Variants in SLC4A4 observed in about 807,000 individuals in gnomAD.
SLC4A4 encodes solute carrier family 4 member 4.
SLC4A4 carries 27 observed loss-of-function variants against 111.5 expected under a neutral mutation model. The ratio of observed to expected loss-of-function variants is 0.24; its 90% confidence interval spans 0.18 to 0.33. The LOEUF is 0.33. Among genes scored for constraint, SLC4A4 ranks in the 10% least tolerant of loss-of-function variants. SLC4A4 has a pLI of 1.00. For synonymous variants in SLC4A4, 443 were observed against 463.4 expected, an observed-to-expected ratio of 0.96 and a Z score of 0.57; for missense variants, 909 against 1,315.5, an observed-to-expected ratio of 0.69 and a Z score of 4.78.
chr4:71,567,127 G>A (rs775149476), intron 25 of SLC4A4, 44 bp downstream of exon 25: 4 of 1,442,038 alleles, frequency 2.8e-6, no homozygotes, highest in Non-Finnish European at 3.9e-6. Context: ...TGGGATAATT[G>A]CCCCACAGAA....
At chr4:71,480,336 T>G (rs1285810512) in intron 14 of SLC4A4, among the ~76,000 whole-genome samples, 1 of 151,462 alleles carries the variant, frequency 6.6e-6, no homozygotes, top group Non-Finnish European at 1.5e-5. Flanking sequence ...TCATTAAGTC[T>G]TGCTGAAAAT....
chr4:71,497,764 GA>G, intron 16 of SLC4A4, 72 bp downstream of exon 16: 11 of 1,275,744 alleles, frequency 8.6e-6, no homozygotes, highest in African/African-American at 1.5e-5. Flanking sequence ...TTTACAAGGT[GA>G]AAAAGGCACC....
At chr4:71,176,785 T>A (rs1745107361) in intron 2 of SLC4A4, among the ~76,000 whole-genome samples, 2 of 152,066 alleles carry the variant, frequency 1.3e-5, no homozygotes, top group African/African-American at 4.8e-5. Context: ...ACTTCCCCAA[T>A]CTAGCAAGGC....
chr4:71,502,405 C>G (rs1336003351), intron 16 of SLC4A4, among the ~76,000 whole-genome samples: 1 of 152,018 alleles, frequency 6.6e-6, no homozygotes, highest in Non-Finnish European at 1.5e-5. Flanking sequence ...TTTCTAGCTC[C>G]TTGACATGCT....
chr4:71,392,599 G>A (rs1192061675), intron 6 of SLC4A4, among the ~76,000 whole-genome samples: 1 of 152,028 alleles, frequency 6.6e-6, no homozygotes, highest in Admixed American at 6.6e-5. Context: ...CGTATTCAAA[G>A]AAGAATTGGT....
At chr4:71,224,298 C>T (rs1251655688) in intron 1 of SLC4A4, among the ~76,000 whole-genome samples, 4 of 152,178 alleles carry the variant, frequency 2.6e-5, no homozygotes, top group South Asian at 2.1e-4. Context: ...TTCCTCCTCC[C>T]GCTCTTGTTC....
At chr4:71,290,713 T>G (rs1724276295) in intron 3 of SLC4A4, among the ~76,000 whole-genome samples, 1 of 152,200 alleles carries the variant, frequency 6.6e-6, no homozygotes, top group Non-Finnish European at 1.5e-5. Context: ...GAGGTTAGAT[T>G]TCTCATATTA....
intron 20 of SLC4A4, among the ~76,000 whole-genome samples, chr4:71,551,523 A>G (rs1242206509): frequency 4.0e-5 from 6 of 151,872 alleles, no homozygotes; most frequent in Non-Finnish European, 7.4e-5. Flanking sequence ...CCTACAAAAA[A>G]TTGTCTCTCT....
intron 16 of SLC4A4, 86 bp downstream of exon 16, chr4:71,497,778 T>A: frequency 9.5e-7 from 1 of 1,054,384 alleles, no homozygotes; most frequent in Non-Finnish European, 1.5e-6. Context: ...AAGGCACCTG[T>A]AATTCAATGT....
At chr4:71,406,382 T>TTG (rs1246303909) in intron 7 of SLC4A4, among the ~76,000 whole-genome samples, 1 of 152,074 alleles carries the variant, frequency 6.6e-6, no homozygotes, top group Non-Finnish European at 1.5e-5. Context: ...ATTTCCCTCT[T>TTG]AATAGGGAAT....
chr4:71,110,545 C>T (rs888911493), intron 2 of SLC4A4, among the ~76,000 whole-genome samples: 11 of 152,116 alleles, frequency 7.2e-5, no homozygotes, highest in African/African-American at 1.4e-4. Context: ...TAAAGTGAAA[C>T]GAAATAATTC....
At chr4:71,188,463 A>G (rs918180886) in intron 1 of SLC4A4, among the ~76,000 whole-genome samples, 2 of 152,158 alleles carry the variant, frequency 1.3e-5, no homozygotes, top group African/African-American at 4.8e-5. Context: ...TGCCCTGGAA[A>G]GTTGCTCCTA....
intron 1 of SLC4A4, among the ~76,000 whole-genome samples, chr4:71,187,677 C>T (rs1745543530): frequency 6.6e-6 from 1 of 152,190 alleles, no homozygotes; most frequent in African/African-American, 2.4e-5. Flanking sequence ...GCTAAGTCCC[C>T]TGCGCGCAAC....
chr4:71,286,115 C>T (rs1468380585), intron 3 of SLC4A4, among the ~76,000 whole-genome samples: 1 of 152,118 alleles, frequency 6.6e-6, no homozygotes, highest in Non-Finnish European at 1.5e-5. Flanking sequence ...TGGCGGGCGC[C>T]TATAGTCCCA....
chr4:71,277,896 G>A (rs1323811067), intron 3 of SLC4A4, among the ~76,000 whole-genome samples: 20 of 152,070 alleles, frequency 1.3e-4, no homozygotes, highest in Admixed American at 1.2e-3. Context: ...AAGGATTACT[G>A]CAATCAAGTT....
At chr4:71,417,210 T>C (rs1485104938) in intron 7 of SLC4A4, among the ~76,000 whole-genome samples, 2 of 152,198 alleles carry the variant, frequency 1.3e-5, no homozygotes, top group African/African-American at 2.4e-5. Context: ...CATGGTTTCT[T>C]TTCTTAGGGT....
chr4:71,101,685 T>C (rs1007140034), intron 2 of SLC4A4, among the ~76,000 whole-genome samples: 5 of 151,726 alleles, frequency 3.3e-5, no homozygotes, highest in African/African-American at 1.2e-4. Flanking sequence ...TGGCAGGGTA[T>C]TCCAACAGAC....
In SLC4A4 at chr4:71,282,586, A is replaced by AT. The variant is rs529921131; in HGVS notation, c.253+27200dup. Among the ~76,000 whole-genome samples the AT allele has an allele frequency of 2.3e-3, 329 of 141,888 alleles. 2 individuals are homozygous for AT. Among genetic ancestry groups the AT allele is most frequent in the South Asian group, 0.014 (64 of 4,446 alleles). The allele number at this position is 141,888 out of a possible 152,430, so 93.1% of individuals were successfully genotyped here. A position where few individuals can be genotyped will look rare whatever the true frequency, so the allele number is the denominator to read the frequency against. ...AGGCATGAGCCACGGCACCCAGCTG[A>AT]TTTTTTTTTTTTTAAAGACAAGGTC... On this transcript the variant is annotated intron_variant, in intron 3 of 25. Coordinates refer to ENST00000264485, the MANE Select transcript of SLC4A4 (RefSeq NM_001098484.3).
chr4:71,430,622 G>A (rs922956968), intron 7 of SLC4A4, among the ~76,000 whole-genome samples: 1 of 152,088 alleles, frequency 6.6e-6, no homozygotes, highest in Non-Finnish European at 1.5e-5. Flanking sequence ...AGAATTCTTG[G>A]TGAGTTCACA....
Sources: gnomAD v4.1 joint callset for allele counts (sites outside exome capture counted in the v4.1 genomes callset) on GRCh38, gnomAD v4.1.1 for gene constraint, MANE v1.5 for transcripts, NCBI Gene and HGNC (gene_info 2026-07-23, HGNC 2026-07-21) for gene names.